Variants in LRRC37A2 observed in about 807,000 individuals in gnomAD.
LRRC37A2 encodes the protein leucine rich repeat containing 37 member A2, also known as leucine-rich repeat-containing protein 37A2.
In LRRC37A2, 9 loss-of-function variants were observed where a neutral mutation model predicts 68.8. The observed-to-expected ratio is 0.13, with a 90% CI of 0.08 to 0.23. LRRC37A2 has a LOEUF of 0.23. LRRC37A2 is among the 10% of genes least tolerant of loss of function. LRRC37A2 has a pLI of 1.00. For missense variants in LRRC37A2, 168 were observed against 950.4 expected, an observed-to-expected ratio of 0.18 and a Z score of 10.82; for synonymous variants, 63 against 367.6, an observed-to-expected ratio of 0.17 and a Z score of 9.48.
At chr17:46,874,910 A>C in the LRRC37A2 span, 1 of 845,628 alleles carries the variant, frequency 1.2e-6, no homozygotes, top group Non-Finnish European at 2.0e-6. Flanking sequence ...ACTTGCAGTC[A>C]GAATTTAAGG....
the LRRC37A2 span, among the ~76,000 whole-genome samples, chr17:47,037,303 G>A: frequency 8.2e-3 from 1,252 of 152,078 alleles, 28 homozygotes; most frequent in African/African-American, 0.029. Flanking sequence ...CGGGGTTTCA[G>A]CACGTTTATC....
At chr17:46,799,460 T>C in the LRRC37A2 span, among the ~76,000 whole-genome samples, 1 of 151,452 alleles carries the variant, frequency 6.6e-6, no homozygotes, top group South Asian at 2.1e-4. Context: ...TTTTTTTTTT[T>C]TTTTCGAGAT....
the LRRC37A2 span, among the ~76,000 whole-genome samples, chr17:46,869,300 T>G: frequency 2.0e-5 from 3 of 152,136 alleles, no homozygotes; most frequent in Non-Finnish European, 4.4e-5. Context: ...GCCTCTGGGG[T>G]GGGGCCTGAG....
chr17:46,734,762 A>C, the LRRC37A2 span, among the ~76,000 whole-genome samples: 1 of 152,238 alleles, frequency 6.6e-6, no homozygotes, highest in African/African-American at 2.4e-5. Context: ...AATGTATCAA[A>C]AACAGTGAAA....
At chr17:46,947,833 A>G in the LRRC37A2 span, among the ~76,000 whole-genome samples, 4 of 152,202 alleles carry the variant, frequency 2.6e-5, no homozygotes, top group East Asian at 7.7e-4. Context: ...CAATGGCACA[A>G]TCTCGGCTCA....
chr17:46,832,128 G>T, the LRRC37A2 span, among the ~76,000 whole-genome samples: 163 of 152,358 alleles, frequency 1.1e-3, 1 homozygote, highest in African/African-American at 3.7e-3. Flanking sequence ...CTGAAAGGTG[G>T]GGGAGGAAGA....
the LRRC37A2 span, chr17:46,963,597 T>G: frequency 1.2e-4 from 18 of 151,938 alleles, no homozygotes; most frequent in Admixed American, 1.1e-3. Context: ...TATTATAGTT[T>G]GGACACACTT....
the LRRC37A2 span, among the ~76,000 whole-genome samples, chr17:46,852,653 C>T: frequency 6.6e-6 from 1 of 152,026 alleles, no homozygotes; most frequent in African/African-American, 2.4e-5. Flanking sequence ...AAGGCACCTT[C>T]CCACCATCCA....
chr17:46,512,639 CATAA>C lies in LRRC37A2; in HGVS notation c.-68_-65del, dbSNP rs1275312544. 8.8e-5 allele frequency: 29 copies of C among 331,318 alleles called. No individual in the cohort carries two copies. Among genetic ancestry groups the C allele is most frequent in the South Asian group, 2.1e-4 (5 of 23,846 alleles). The allele number at this position is 331,318 out of a possible 1,614,324, so 20.5% of individuals were successfully genotyped here. A position where few individuals can be genotyped will look rare whatever the true frequency, so the allele number is the denominator to read the frequency against. ...CTGGTGACATGGAGCAGATCTGTGA[CATAA>C]ATAAAGGTGTCATAAAGACAGGGCG... On this transcript the variant is annotated 5_prime_UTR_variant, in exon 2 of 15. The change creates a premature stop within an existing upstream ORF in the 5' untranslated region. Transcript: ENST00000576629.
chr17:46,931,254 G>T, the LRRC37A2 span: 1 of 914,644 alleles, frequency 1.1e-6, no homozygotes, highest in Non-Finnish European at 1.8e-6. Context: ...GGCCCATCAA[G>T]ACAGGCTTTT....
the LRRC37A2 span, among the ~76,000 whole-genome samples, chr17:46,822,083 G>A: frequency 1.3e-5 from 2 of 152,252 alleles, no homozygotes; most frequent in Non-Finnish European, 2.9e-5. Context: ...GGGGAAGCAG[G>A]TGGGGAAGTG....
the LRRC37A2 span, chr17:46,818,403 G>A: frequency 6.0e-5 from 63 of 1,047,948 alleles, no homozygotes; most frequent in African/African-American, 9.8e-4. Flanking sequence ...GGGGGCTGGA[G>A]GGAGGCGAGG....
At chr17:47,004,801 A>G in the LRRC37A2 span, among the ~76,000 whole-genome samples, 1 of 152,212 alleles carries the variant, frequency 6.6e-6, no homozygotes, top group Admixed American at 6.5e-5. Flanking sequence ...AAGTGTTGGG[A>G]TTATAGGCGT....
the LRRC37A2 span, among the ~76,000 whole-genome samples, chr17:46,948,087 C>T: frequency 2.6e-5 from 4 of 152,188 alleles, no homozygotes; most frequent in African/African-American, 9.7e-5. Context: ...TGATTTTTGT[C>T]AGGAGACAGA....
At chr17:47,019,589 T>C in the LRRC37A2 span, 1 of 1,465,924 alleles carries the variant, frequency 6.8e-7, no homozygotes, top group African/African-American at 1.4e-5. Context: ...TGCTAGAACC[T>C]AGTCAGGATT....
chr17:46,960,284 A>T, the LRRC37A2 span, among the ~76,000 whole-genome samples: 2 of 152,240 alleles, frequency 1.3e-5, no homozygotes, highest in African/African-American at 4.8e-5. Flanking sequence ...GACAAATTAG[A>T]CACACAATGA....
the LRRC37A2 span, among the ~76,000 whole-genome samples, chr17:46,711,667 A>T: frequency 1.3e-5 from 2 of 152,242 alleles, no homozygotes; most frequent in African/African-American, 4.8e-5. Flanking sequence ...GGGGAAGGAC[A>T]TTCCATTCAC....
At chr17:46,813,554 G>C in the LRRC37A2 span, among the ~76,000 whole-genome samples, 1 of 152,064 alleles carries the variant, frequency 6.6e-6, no homozygotes, top group South Asian at 2.1e-4. Flanking sequence ...TTGGCAGCTG[G>C]AGAAGGTTTC....
the LRRC37A2 span, among the ~76,000 whole-genome samples, chr17:46,960,576 TCAC>T: frequency 6.6e-6 from 1 of 152,298 alleles, no homozygotes; most frequent in African/African-American, 2.4e-5. Flanking sequence ...TTATTTGCAA[TCAC>T]CAAAACAGGA....
Sources: allele counts gnomAD v4.1 joint callset (sites outside exome capture counted in the v4.1 genomes callset), GRCh38; gene constraint gnomAD v4.1.1; transcripts MANE v1.5; gene names NCBI Gene and HGNC (gene_info 2026-07-23, HGNC 2026-07-21).